Variants in IGSF9B observed in about 807,000 individuals in gnomAD.
IGSF9B encodes protein turtle homolog B.
Under a neutral mutation model 143.7 loss-of-function variants are expected in IGSF9B, and 48 were observed. The observed-to-expected ratio is 0.33, with a 90% CI of 0.26 to 0.42. IGSF9B has a LOEUF of 0.42. Among genes scored for constraint, IGSF9B ranks in the 20% least tolerant of loss-of-function variants. The pLI, the probability that IGSF9B is intolerant of heterozygous loss-of-function variation, is 1.00. For synonymous variants in IGSF9B, 903 were observed against 833.1 expected, an observed-to-expected ratio of 1.08 and a Z score of -1.44; for missense variants, 1,706 against 1,980.0, an observed-to-expected ratio of 0.86 and a Z score of 2.63.
rs2121259551 is a variant in IGSF9B at position 133,905,264 on chromosome 11, G to C, written c.*3805C>G. Among the ~76,000 whole-genome samples the C allele has an allele frequency of 6.6e-6, 1 of 151,432 alleles. No homozygotes were observed. The highest frequency in any genetic ancestry group is 3.4e-3 in the Middle Eastern group (1 of 292). Reference sequence around the variant, plus strand: ...CACCCCACCCCCAAGCCTGGAAAAGGCTTTTGCTAACAAAATAGGAAGAAA... The same window carrying C: ...CACCCCACCCCCAAGCCTGGAAAAGCCTTTTGCTAACAAAATAGGAAGAAA... On this transcript the variant is annotated 3_prime_UTR_variant, in exon 20 of 20. Coordinates refer to ENST00000533871, the MANE Select transcript of IGSF9B (RefSeq NM_001277285.4). The surrounding 1 kb of genome is among the most constrained non-coding windows in gnomAD (Gnocchi z 4.0).
In IGSF9B at chr11:133,940,671, G is replaced by A. The variant is rs530672825; in HGVS notation, c.410-2710C>T. ...ACACGCAAAAACATACACCTCGCAC[G>A]TCCTCGCACGTGTCATCACATGCAA... On this transcript the variant is annotated intron_variant, in intron 3 of 19. Coordinates refer to ENST00000533871, the MANE Select transcript of IGSF9B (RefSeq NM_001277285.4). Among the ~76,000 whole-genome samples, 14 of 135,556 alleles carry A rather than the reference G, an allele frequency of 1.0e-4. No homozygotes were observed. The South Asian group carries it at 1.4e-3, about 14-fold the overall frequency. 88.9% of individuals were successfully genotyped at this position (135,556 alleles called of 152,430 possible).
In IGSF9B at chr11:133,944,385, C is replaced by A. The variant is rs1236478234; in HGVS notation, c.263-19G>T. On this transcript the variant is annotated intron_variant, in intron 2 of 19. Coordinates refer to ENST00000533871, the MANE Select transcript of IGSF9B (RefSeq NM_001277285.4). ...GCCCGGCCTGGGGGAATAGAGCAGA[C>A]AAAAGCCCCACAGGCCATCAGGTAA... is the stretch of plus-strand genomic sequence containing the variant. 6.8e-6 allele frequency: 11 copies of A among 1,611,820 alleles called. No homozygotes were observed. The highest frequency in any genetic ancestry group is 1.9e-4 in the Middle Eastern group (1 of 5,296).
At chr11:133,919,679 G>A in intron 18 of IGSF9B, 63 bp downstream of exon 18, 1 of 1,098,846 alleles carries the variant, frequency 9.1e-7, no homozygotes, top group Non-Finnish European at 1.2e-6. Context: ...TGGAGGGCAG[G>A]GCGAGGCGGG....
At chr11:133,912,293 A>G in intron 18 of IGSF9B, 1 of 579,624 alleles carries the variant, frequency 1.7e-6, no homozygotes, top group South Asian at 1.5e-5. Context: ...AATAGTAAGC[A>G]CCTTCCCATG....
At chr11:133,937,586 G>T in intron 4 of IGSF9B, 93 bp from the exon 5 acceptor site, 1 of 1,118,680 alleles carries the variant, frequency 8.9e-7, no homozygotes, top group Non-Finnish European at 1.3e-6. Flanking sequence ...ACACTAAGGT[G>T]GAGATGACCA....
chr11:133,915,981 G>T (rs759925041), intron 18 of IGSF9B, among the ~76,000 whole-genome samples: 18 of 152,228 alleles, frequency 1.2e-4, no homozygotes, highest in Non-Finnish European at 2.2e-4. Context: ...TGTGGGGCCG[G>T]ACTCAGACCA....
Position 133,913,132 on chromosome 11 carries a change from C to T in IGSF9B, c.3984-1125G>A, listed in dbSNP as rs145708148. Among the ~76,000 whole-genome samples the T allele has an allele frequency of 1.6e-3, 251 of 152,260 alleles. 1 individual carries two copies. Among genetic ancestry groups the T allele is most frequent in the African/African-American group, 5.2e-3 (218 of 41,546 alleles). On this transcript the variant is annotated intron_variant, in intron 18 of 19. Coordinates refer to ENST00000533871, the MANE Select transcript of IGSF9B (RefSeq NM_001277285.4). The surrounding 1 kb of genome is among the most constrained non-coding windows in gnomAD (Gnocchi z 4.6). ...CTTCCCACCAGCGCTGGCATTAGCA[C>T]GTGATCAGAGAAGCAGGGACGCTCT...
chr11:133,928,029 C>T lies in IGSF9B; in HGVS notation c.1632-938G>A, dbSNP rs1432484199. Reference sequence around the variant, plus strand: ...CAACCTCGGCCCCGCCCTTCCCTGGCCCAGGCAACAAAGCAGCGAGGAGCC... The same window carrying T: ...CAACCTCGGCCCCGCCCTTCCCTGGTCCAGGCAACAAAGCAGCGAGGAGCC... On this transcript the variant is annotated intron_variant, in intron 12 of 19. Transcript: ENST00000533871. The surrounding 1 kb of genome is among the most constrained non-coding windows in gnomAD (Gnocchi z 4.7). 6.6e-6 allele frequency among the ~76,000 whole-genome samples: 1 copy of T among 152,198 alleles called. No homozygotes were observed. Among genetic ancestry groups the T allele is most frequent in the Non-Finnish European group, 1.5e-5 (1 of 68,038 alleles).
In IGSF9B at chr11:133,928,234, G is replaced by A. The variant is rs549921194; in HGVS notation, c.1632-1143C>T. Among the ~76,000 whole-genome samples, 118 of 152,232 alleles carry A rather than the reference G, an allele frequency of 7.8e-4. No homozygotes were observed. Among genetic ancestry groups the A allele is most frequent in the African/African-American group, 2.7e-3 (112 of 41,548 alleles). ...AATGTCCCACCCTGGACACCTAGGC[G>A]CTGAGCAGCACCGGTCTCCCAGCAG... On this transcript the variant is annotated intron_variant, in intron 12 of 19. Coordinates refer to ENST00000533871, the MANE Select transcript of IGSF9B (RefSeq NM_001277285.4). The surrounding 1 kb of genome is among the most constrained non-coding windows in gnomAD (Gnocchi z 4.7).
At chr11:133,918,835 C>G (rs542770757) in intron 18 of IGSF9B, among the ~76,000 whole-genome samples, 1 of 144,116 alleles carries the variant, frequency 6.9e-6, no homozygotes, top group Non-Finnish European at 1.5e-5. Flanking sequence ...GGGCGGGGGA[C>G]GGGGTATCCG....
Position 133,921,207 on chromosome 11 carries a change from C to G in IGSF9B, c.2518G>C (p.Glu840Gln). 1 of 1,609,090 alleles carries G rather than the reference C, an allele frequency of 6.2e-7. No homozygotes were observed. The highest frequency in any genetic ancestry group is 2.2e-5 in the East Asian group (1 of 44,768). The change falls in exon 18 of 20, where the codon GAG becomes CAG. Residue 840 changes from glutamate to glutamine, a missense_variant. Around this residue, in one of 7 missense-constraint regions of IGSF9B, gnomAD observed 135 missense variants for 181.3 expected, o/e 0.74. Coordinates refer to ENST00000533871, the MANE Select transcript of IGSF9B (RefSeq NM_001277285.4). Reference protein sequence around the residue: ...KKYSVAKAEAEAEATTPIELI... With the variant: ...KKYSVAKAEAQAEATTPIELI... ...TCGATGGGCGTGGTGGCCTCTGCCTCGGCCTCTGCCTTGGCCACGCTGTAC... is the reference window on the plus strand; with the variant it reads ...TCGATGGGCGTGGTGGCCTCTGCCTGGGCCTCTGCCTTGGCCACGCTGTAC...
In IGSF9B at chr11:133,902,185, AACACACCAG is replaced by A. The variant is rs1565409760; in HGVS notation, c.*6875_*6883del. 1.4e-5 allele frequency among the ~76,000 whole-genome samples: 2 copies of A among 142,260 alleles called. No individual in the cohort carries two copies. Among genetic ancestry groups the A allele is most frequent in the African/African-American group, 2.7e-5 (1 of 37,026 alleles). The allele number at this position is 142,260 out of a possible 152,430, so 93.3% of individuals were successfully genotyped here. On this transcript the variant is annotated 3_prime_UTR_variant, in exon 20 of 20. Coordinates refer to ENST00000533871, the MANE Select transcript of IGSF9B (RefSeq NM_001277285.4). Reference sequence around the variant, plus strand: ...ACACACACCAAACACACACACACCAAACACACCAGACACACCACAAGCATACACCACACG... The same window carrying A: ...ACACACACCAAACACACACACACCAAACACACCACAAGCATACACCACACG...
At chr11:133,918,923 T>G in intron 18 of IGSF9B, 1 of 453,172 alleles carries the variant, frequency 2.2e-6, no homozygotes, top group Non-Finnish European at 4.5e-6. Flanking sequence ...AGAGAAAGAC[T>G]GACTGGAGAA....
At chr11:133,954,865 C>A (rs1940221409) in intron 1 of IGSF9B, among the ~76,000 whole-genome samples, 1 of 152,158 alleles carries the variant, frequency 6.6e-6, no homozygotes, top group Non-Finnish European at 1.5e-5. Context: ...GACCCCTCTG[C>A]ACCCTGAAAG....
At chr11:133,941,965 C>T (rs1003905346) in intron 3 of IGSF9B, among the ~76,000 whole-genome samples, 2 of 152,156 alleles carry the variant, frequency 1.3e-5, no homozygotes, top group African/African-American at 4.8e-5. Context: ...ATGTGACAGT[C>T]TCTTGAAGTC....
At position 133,937,391 on chromosome 11, in the gene IGSF9B, G is replaced by GA. The variant is rs1323552995; in HGVS notation, c.663dup (p.His222SerfsTer15). ...TGGCTCCTACCTTGGACAAGCAGGT[G>GA]AGTCGTGTGGACAGCCTCCCCCTGA... On this transcript the variant is annotated frameshift_variant, in exon 5 of 20. Coordinates refer to ENST00000533871, the MANE Select transcript of IGSF9B (RefSeq NM_001277285.4). LOFTEE classifies it high-confidence loss of function. The GA allele has an allele frequency of 6.2e-7, 1 of 1,611,444 alleles. No homozygotes were observed. The highest frequency in any genetic ancestry group is 1.7e-5 in the Admixed American group (1 of 59,938).
intron 3 of IGSF9B, among the ~76,000 whole-genome samples, chr11:133,942,800 G>A (rs1337568716): frequency 6.6e-6 from 1 of 152,162 alleles, no homozygotes. Flanking sequence ...TTACCAGGTG[G>A]TCAGAACAAT....
intron 12 of IGSF9B, 88 bp downstream of exon 12, chr11:133,929,581 CCT>C: frequency 1.1e-6 from 1 of 931,510 alleles, no homozygotes; most frequent in Non-Finnish European, 1.7e-6. Flanking sequence ...CCTCCTCCTA[CCT>C]CCCCCCACCC....
In IGSF9B at chr11:133,898,816, AACCC is replaced by A. The variant is rs1939065695; in HGVS notation, c.*10249_*10252del. The A allele has an allele frequency of 2.0e-5, 3 of 152,294 alleles. No individual in the cohort carries two copies. Among genetic ancestry groups the A allele is most frequent in the African/African-American group, 7.2e-5 (3 of 41,468 alleles). The allele number at this position is 152,294 out of a possible 1,614,324, so 9.4% of individuals were successfully genotyped here. On this transcript the variant is annotated 3_prime_UTR_variant, in exon 20 of 20. Coordinates refer to ENST00000533871, the MANE Select transcript of IGSF9B (RefSeq NM_001277285.4). The stretch of plus-strand genomic sequence containing the variant: ...GACTCCACCCTCCAATGCCACAGGC[AACCC>A]CCTGTGGACAGGAAGTGTGTGTGCA...
Sources: allele counts gnomAD v4.1 joint callset (sites outside exome capture counted in the v4.1 genomes callset), GRCh38; gene constraint gnomAD v4.1.1; regional missense constraint gnomAD v4.1.1; non-coding constraint Gnocchi (gnomAD v3.1); transcripts MANE v1.5; gene names NCBI Gene and HGNC (gene_info 2026-07-23, HGNC 2026-07-21).